The following CDH1 variants were observed in gnomAD, a reference collection of about 807,000 sequenced individuals.
CDH1 encodes cadherin-1.
Under a neutral mutation model 84.5 loss-of-function variants are expected in CDH1, and 35 were observed. The ratio of observed to expected loss-of-function variants is 0.41; its 90% CI spans 0.32 to 0.55. The LOEUF is 0.55. CDH1 is among the 20% of genes least tolerant of loss of function. The pLI is 0.19. For synonymous variants in CDH1, 417 were observed against 439.0 expected (o/e 0.95, Z 0.63); for missense variants, 994 against 1,126.6 (o/e 0.88, Z 1.68).
At chr16:68,833,181 C>T in intron 15 of CDH1, 109 bp from the exon 16 acceptor site, 1 of 903,936 alleles carries the variant, frequency 1.1e-6, no homozygotes, top group Non-Finnish European at 1.8e-6. Flanking sequence ...CGTGGTGTGC[C>T]ACAAGTCTGG....
chr16:68,776,201 G>T (rs940733057), intron 2 of CDH1, among the ~76,000 whole-genome samples: 1 of 152,114 alleles, frequency 6.6e-6, no homozygotes, highest in Non-Finnish European at 1.5e-5. Context: ...TGACCAGGCT[G>T]GTCTCAAACT....
chr16:68,741,220 A>G (rs530478954), intron 2 of CDH1, among the ~76,000 whole-genome samples: 19 of 152,174 alleles, frequency 1.2e-4, no homozygotes, highest in Non-Finnish European at 2.6e-4. Flanking sequence ...CTGACATTTA[A>G]TATTTGTTTT....
In CDH1 at chr16:68,822,086, T is replaced by C. The variant is rs786201932; in HGVS notation, c.1797T>C (p.Thr599=). 5 of 1,614,084 alleles carry C rather than the reference T, an allele frequency of 3.1e-6. No individual in the cohort carries two copies. The African/African-American group carries it at 6.7e-5, about 22-fold the overall frequency. The change falls in exon 12 of 16, where the codon ACT becomes ACC. Residue 599 remains threonine, a synonymous_variant. Coordinates refer to ENST00000261769, the MANE Select transcript of CDH1 (RefSeq NM_004360.5). ...NDNAPIPEPR[T]IFFCERNPKP... ...ACGCCCCCATACCAGAACCTCGAACTATATTCTTCTGTGAGAGGAATCCAA... is the reference window on the plus strand; with the variant it reads ...ACGCCCCCATACCAGAACCTCGAACCATATTCTTCTGTGAGAGGAATCCAA...
intron 2 of CDH1, among the ~76,000 whole-genome samples, chr16:68,758,708 C>T (rs1963084227): frequency 6.6e-6 from 1 of 151,766 alleles, no homozygotes; most frequent in Non-Finnish European, 1.5e-5. Context: ...AAAGGAGCCA[C>T]AGAGGATTGA....
rs2152143838 is a variant in CDH1, at chr16:68,833,295, G to A, written c.2445G>A (p.Leu815=). 1.2e-6 allele frequency: 2 copies of A among 1,614,064 alleles called. No homozygotes were observed. Among genetic ancestry groups the A allele is most frequent in the Non-Finnish European group, 1.7e-6 (2 of 1,179,940 alleles). ...DEIGNFIDEN[L]KAADTDPTAP... is the part of the protein sequence containing the mutation. ...TTTTGTCCCTTCTTCTTTAGAATCT[G>A]AAAGCGGCTGATACTGACCCCACAG... Residue 815 remains leucine, a synonymous_variant, in exon 16 of 16, where the codon CTG becomes CTA. Transcript: ENST00000261769.
chr16:68,833,254 T>C (rs1961530762), intron 15 of CDH1, 36 bp from the exon 16 acceptor site: 3 of 1,588,654 alleles, frequency 1.9e-6, no homozygotes, highest in Non-Finnish European at 8.6e-7. Flanking sequence ...GTGCCCTTCC[T>C]TTCACTAAAA....
In CDH1 at chr16:68,737,402, G is replaced by T; in HGVS notation, c.-14G>T. On this transcript the variant is annotated 5_prime_UTR_variant, in exon 1 of 16. Transcript: ENST00000261769. ...CACCCGGCGCCTGCCCTCGCTCGGC[G>T]TCCCCGGCCAGCCATGGGCCCTTGG... 6.5e-7 allele frequency: 1 copy of T among 1,530,436 alleles called. No homozygotes were observed. Among genetic ancestry groups the T allele is most frequent in the African/African-American group, 1.4e-5 (1 of 72,470 alleles). The allele number at this position is 1,530,436 out of a possible 1,614,324, so 94.8% of individuals were successfully genotyped here. A position where few individuals can be genotyped will look rare whatever the true frequency, so the allele number is the denominator to read the frequency against.
intron 10 of CDH1, among the ~76,000 whole-genome samples, chr16:68,818,664 C>T (rs1323906389): frequency 1.3e-5 from 2 of 150,082 alleles, no homozygotes; most frequent in African/African-American, 2.4e-5. Flanking sequence ...CTGGCTAAAA[C>T]GGTGTAAACC....
At chr16:68,809,296 G>A (rs1425528919) in intron 5 of CDH1, among the ~76,000 whole-genome samples, 2 of 149,462 alleles carry the variant, frequency 1.3e-5, no homozygotes, top group African/African-American at 2.5e-5. Flanking sequence ...CCACTTCCCG[G>A]GTTCAAGTGA....
intron 13 of CDH1, chr16:68,826,612 T>G (rs1961329088): frequency 6.6e-6 from 1 of 152,262 alleles, no homozygotes; most frequent in South Asian, 2.1e-4. Context: ...AAAAAATTAC[T>G]AGAGAGACAC....
At chr16:68,776,138 C>T (rs1959726902) in intron 2 of CDH1, among the ~76,000 whole-genome samples, 1 of 152,118 alleles carries the variant, frequency 6.6e-6, no homozygotes, top group Non-Finnish European at 1.5e-5. Flanking sequence ...AGGCACGCAC[C>T]ACCATGCCTG....
intron 2 of CDH1, among the ~76,000 whole-genome samples, chr16:68,796,846 A>G (rs947674312): frequency 1.3e-5 from 2 of 152,210 alleles, no homozygotes; most frequent in Non-Finnish European, 2.9e-5. Context: ...GTTGTTTTCA[A>G]ACTGCCTCCT....
chr16:68,777,663 C>T (rs1198419072), intron 2 of CDH1, among the ~76,000 whole-genome samples: 1 of 150,732 alleles, frequency 6.6e-6, no homozygotes, highest in Non-Finnish European at 1.5e-5. Flanking sequence ...CCCATCTCAG[C>T]CTCCTGAGTG....
At chr16:68,771,490 AC>A (rs1959571816) in intron 2 of CDH1, among the ~76,000 whole-genome samples, 2 of 151,294 alleles carry the variant, frequency 1.3e-5, no homozygotes, top group African/African-American at 4.9e-5. Context: ...GCGGTGGCTC[AC>A]GCCTGTAATC....
intron 2 of CDH1, chr16:68,770,947 C>A (rs925408629): frequency 6.6e-6 from 1 of 151,752 alleles, no homozygotes; most frequent in Non-Finnish European, 1.5e-5. Context: ...TCCACCGAGA[C>A]GAAGTGATGC....
At chr16:68,758,272 C>T (rs1963075305) in intron 2 of CDH1, among the ~76,000 whole-genome samples, 1 of 132,026 alleles carries the variant, frequency 7.6e-6, no homozygotes, top group Non-Finnish European at 1.5e-5. Context: ...ATGGGAATTC[C>T]CTAGGGCCAG....
chr16:68,820,458 G>C (rs1812452), intron 11 of CDH1, among the ~76,000 whole-genome samples: 44,910 of 150,238 alleles, frequency 0.3, 7,637 homozygotes, highest in African/African-American at 0.49. Flanking sequence ...TCAAGCAATT[G>C]TCCTACCTCA....
In CDH1 at chr16:68,757,767, CTCCTTCCT is replaced by C. The variant is rs58548890; in HGVS notation, c.163+19374_163+19381del. Among the ~76,000 whole-genome samples, 574 of 148,034 alleles carry C rather than the reference CTCCTTCCT, an allele frequency of 3.9e-3. 1 individual carries two copies. The highest frequency in any genetic ancestry group is 0.013 in the African/African-American group (509 of 40,182). Reference sequence around the variant, plus strand: ...TCTCTCTCTTTTTCTTTCTCTCTCTCTCCTTCCTTCCTTCCTTCCTTCCTTTCTTTCTT... The same window carrying C: ...TCTCTCTCTTTTTCTTTCTCTCTCTCTCCTTCCTTCCTTCCTTTCTTTCTT... On this transcript the variant is annotated intron_variant, in intron 2 of 15. Coordinates refer to ENST00000261769, the MANE Select transcript of CDH1 (RefSeq NM_004360.5).
chr16:68,824,801 T>C (rs994197845), intron 13 of CDH1, among the ~76,000 whole-genome samples: 2 of 152,236 alleles, frequency 1.3e-5, no homozygotes, highest in Non-Finnish European at 2.9e-5. Flanking sequence ...GAGAAAGTAC[T>C]GAATCTATTA....
Sources: allele counts gnomAD v4.1 joint callset (sites outside exome capture counted in the v4.1 genomes callset), GRCh38; gene constraint gnomAD v4.1.1; transcripts MANE v1.5; gene names NCBI Gene and HGNC (gene_info 2026-07-23, HGNC 2026-07-21).